Variants in TTC23 observed in about 807,000 individuals in gnomAD.
TTC23 encodes tetratricopeptide repeat protein 23.
Under a neutral mutation model 55.1 loss-of-function variants are expected in TTC23, and 58 were observed. The observed-to-expected ratio is 1.05, with a 90% CI of 0.85 to 1.31. The LOEUF (loss-of-function observed/expected upper bound fraction) is 1.31, where lower values mean the gene tolerates loss of function less well. TTC23 is among the 50% of genes most tolerant of loss of function. The pLI, the probability that TTC23 is intolerant of heterozygous loss-of-function variation, is 0.00. For synonymous variants in TTC23, 203 were observed against 199.9 expected (o/e 1.02, Z -0.13); for missense variants, 516 against 534.4 (o/e 0.97, Z 0.34).
chr15:99,250,330 C>G (rs1192793914), upstream of TTC23, among the ~76,000 whole-genome samples: 1 of 152,114 alleles, frequency 6.6e-6, no homozygotes, highest in Non-Finnish European at 1.5e-5. Context: ...ATAACTCATA[C>G]CTTGTTTTAA....
intron 12 of TTC23, chr15:99,140,956 G>A (rs1555490050): frequency 6.6e-6 from 1 of 152,050 alleles, no homozygotes; most frequent in African/African-American, 2.4e-5. Context: ...GATATAAACA[G>A]ATTATTCAAA....
At chr15:99,220,279 T>A (rs1210023790) in intron 6 of TTC23, among the ~76,000 whole-genome samples, 1 of 152,222 alleles carries the variant, frequency 6.6e-6, no homozygotes, top group Admixed American at 6.5e-5. Context: ...TGAATAAGGT[T>A]ATGCATGGAA....
chr15:99,242,810 A>T (rs2079919959), intron 2 of TTC23, among the ~76,000 whole-genome samples: 1 of 152,214 alleles, frequency 6.6e-6, no homozygotes, highest in Admixed American at 6.5e-5. Flanking sequence ...AAACTTCCCC[A>T]ACCTGATAAA....
chr15:99,148,265 G>GCAGGGGAA, intron 12 of TTC23, among the ~76,000 whole-genome samples: 1 of 148,078 alleles, frequency 6.8e-6, no homozygotes, highest in South Asian at 2.2e-4. Context: ...GGAGGCTGAG[G>GCAGGGGAA]CAGGGGAATC....
intron 8 of TTC23, among the ~76,000 whole-genome samples, chr15:99,203,289 A>G (rs536555423): frequency 6.6e-6 from 1 of 152,222 alleles, no homozygotes; most frequent in African/African-American, 2.4e-5. Flanking sequence ...CATGTACACC[A>G]AAGCTCCAAG....
At chr15:99,191,107 A>G (rs575854029) in intron 9 of TTC23, among the ~76,000 whole-genome samples, 3 of 152,140 alleles carry the variant, frequency 2.0e-5, no homozygotes, top group African/African-American at 7.2e-5. Flanking sequence ...TCTAAGCTCA[A>G]CTGGGACCTG....
chr15:99,235,474 G>C (rs972592622), intron 3 of TTC23, among the ~76,000 whole-genome samples: 1 of 151,386 alleles, frequency 6.6e-6, no homozygotes, highest in Non-Finnish European at 1.5e-5. Flanking sequence ...GGGTTCAAGC[G>C]ATTCCCCTGC....
In TTC23 at chr15:99,221,857, T is replaced by G. The variant is rs2077963564; in HGVS notation, c.188A>C (p.Gln63Pro). The G allele has an allele frequency of 1.2e-6, 2 of 1,614,048 alleles. No homozygotes were observed. Among genetic ancestry groups the G allele is most frequent in the Non-Finnish European group, 1.7e-6 (2 of 1,180,010 alleles). Residue 63 changes from glutamine (Q) to proline (P), a missense_variant, in exon 6 of 14, where the codon CAG becomes CCG. Gln to Pro is a moderately conservative substitution (Grantham distance 76, BLOSUM62 -1). Coordinates refer to ENST00000394132, the MANE Select transcript of TTC23 (RefSeq NM_001288615.3). ...KSYSNSHEYK[Q>P]AVHELVRCVA... ...GCAACGCACAAGCTCATGGACGGCCTGTTTGTACTGTTAGGAAGAGAAAAC... is the reference window on the plus strand; with the variant it reads ...GCAACGCACAAGCTCATGGACGGCCGGTTTGTACTGTTAGGAAGAGAAAAC...
chr15:99,156,716 A>G (rs2070638761), intron 11 of TTC23, among the ~76,000 whole-genome samples: 1 of 152,178 alleles, frequency 6.6e-6, no homozygotes, highest in African/African-American at 2.4e-5. Context: ...ACCATGACAC[A>G]TGGGTATTAT....
At chr15:99,214,524 A>AG (rs2077299207) in intron 8 of TTC23, among the ~76,000 whole-genome samples, 1 of 150,840 alleles carries the variant, frequency 6.6e-6, no homozygotes, top group Admixed American at 6.6e-5. Context: ...AAAAAAAAAA[A>AG]AAGAGATCCT....
At chr15:99,139,111 T>G in intron 13 of TTC23, 1 of 706,436 alleles carries the variant, frequency 1.4e-6, no homozygotes, top group Non-Finnish European at 2.5e-6. Context: ...TATTTCTGAC[T>G]TAAAGGATGA....
At chr15:99,154,968 A>G (rs2070338776) in intron 12 of TTC23, among the ~76,000 whole-genome samples, 1 of 152,240 alleles carries the variant, frequency 6.6e-6, no homozygotes, top group Non-Finnish European at 1.5e-5. Flanking sequence ...CAGTTAGACA[A>G]AAGAAATAAA....
Position 99,228,539 on chromosome 15 carries a change from A to G in TTC23, c.174T>C (p.Ser58=). 1.2e-6 allele frequency: 2 copies of G among 1,609,364 alleles called. No homozygotes were observed. Among genetic ancestry groups the G allele is most frequent in the Non-Finnish European group, 1.7e-6 (2 of 1,177,456 alleles). ...GAAACAAAAGTCTCCTTACCTCATGACTGTTGGAATAGGACTTTGCTTTCT... is the reference window on the plus strand; with the variant it reads ...GAAACAAAAGTCTCCTTACCTCATGGCTGTTGGAATAGGACTTTGCTTTCT... ...CEEKAKSYSN[S]HEYKQAVHEL... Residue 58 remains serine, a synonymous_variant, in exon 5 of 14, where the codon AGT becomes AGC. Coordinates refer to ENST00000394132, the MANE Select transcript of TTC23 (RefSeq NM_001288615.3).
chr15:99,148,649 A>G (rs2069293190), intron 12 of TTC23: 1 of 152,050 alleles, frequency 6.6e-6, no homozygotes, highest in Admixed American at 6.6e-5. Flanking sequence ...GGCTCAGTAT[A>G]CTCCTGAGAT....
chr15:99,170,389 A>G (rs2151918341), intron 10 of TTC23, among the ~76,000 whole-genome samples: 1 of 152,280 alleles, frequency 6.6e-6, no homozygotes, highest in Admixed American at 6.5e-5. Flanking sequence ...TTTTCTCATT[A>G]ATAATTATTT....
chr15:99,242,843 A>G (rs553544192), intron 2 of TTC23, among the ~76,000 whole-genome samples: 1 of 152,244 alleles, frequency 6.6e-6, no homozygotes, highest in Non-Finnish European at 1.5e-5. Context: ...GCCTGATTTT[A>G]CAAATCAAAG....
At chr15:99,138,194 C>G in intron 13 of TTC23, 67 bp from the exon 14 acceptor site, 2 of 1,586,140 alleles carry the variant, frequency 1.3e-6, no homozygotes, top group Admixed American at 1.7e-5. Flanking sequence ...CCCATCCAGC[C>G]TTTGCTGCCC....
At chr15:99,139,166 G>A (rs1555488691) in intron 13 of TTC23, 151 bp downstream of exon 13, 3 of 937,268 alleles carry the variant, frequency 3.2e-6, no homozygotes, top group Admixed American at 2.0e-5. Context: ...TACAACTCGG[G>A]TTTCAAAGGA....
At chr15:99,183,848 C>A (rs1001701897) in intron 9 of TTC23, among the ~76,000 whole-genome samples, 15 of 152,136 alleles carry the variant, frequency 9.9e-5, no homozygotes, top group Admixed American at 9.8e-4. Context: ...ATGCCAGAGA[C>A]CTTCACAGCA....
Sources: gnomAD v4.1 joint callset for allele counts (sites outside exome capture counted in the v4.1 genomes callset) on GRCh38, gnomAD v4.1.1 for gene constraint, MANE v1.5 for transcripts, NCBI Gene and HGNC (gene_info 2026-07-23, HGNC 2026-07-21) for gene names.